The following CLIC4 variants were observed in gnomAD, a reference collection of about 807,000 sequenced individuals.
CLIC4 encodes the protein CLIC family member 4, also known as chloride intracellular channel protein 4.
A neutral mutation model predicts 24.6 loss-of-function variants in CLIC4; 13 were observed. The ratio of observed to expected loss-of-function variants is 0.53; its 90% CI spans 0.34 to 0.84. The LOEUF is 0.84. CLIC4 is among the 40% of genes least tolerant of loss of function. The pLI is 0.01. For synonymous variants in CLIC4, 104 were observed against 111.3 expected (o/e 0.93, Z 0.41); for missense variants, 227 against 301.7 (o/e 0.75, Z 1.83).
chr1:24,802,156 C>T (rs1169348946), intron 2 of CLIC4, among the ~76,000 whole-genome samples: 1 of 152,164 alleles, frequency 6.6e-6, no homozygotes, highest in Non-Finnish European at 1.5e-5. Context: ...TAGTTTAATA[C>T]AGTGCTTTAA....
At chr1:24,823,147 A>G (rs182396928) in intron 3 of CLIC4, among the ~76,000 whole-genome samples, 2 of 152,374 alleles carry the variant, frequency 1.3e-5, no homozygotes, top group East Asian at 3.9e-4. Context: ...TGATTTAATC[A>G]TGACAAATAT....
chr1:24,771,527 T>C (rs1639071125), intron 1 of CLIC4, among the ~76,000 whole-genome samples: 1 of 152,210 alleles, frequency 6.6e-6, no homozygotes, highest in Non-Finnish European at 1.5e-5. Flanking sequence ...TCATCTTTTA[T>C]ATCTACCCCC....
Position 24,830,248 on chromosome 1 carries a change from T to C in CLIC4, c.415+3132T>C, listed in dbSNP as rs554287190. Among the ~76,000 whole-genome samples the C allele has an allele frequency of 4.6e-5, 7 of 152,324 alleles. No individual in the cohort carries two copies. The South Asian group carries it at 1.4e-3, about 32-fold the overall frequency. On this transcript the variant is annotated intron_variant, in intron 4 of 5. Transcript: ENST00000374379. ...CATGACCTCTTCAACAATTTAGTGT[T>C]CTTTTTTCTATGTAATTTTGCAAAC...
intron 1 of CLIC4, among the ~76,000 whole-genome samples, chr1:24,761,620 A>T (rs147860371): frequency 6.6e-6 from 1 of 152,128 alleles, no homozygotes; most frequent in Non-Finnish European, 1.5e-5. Flanking sequence ...CAGTTCTCAG[A>T]TGGGTTTAAG....
At chr1:24,828,879 A>G (rs537628156) in intron 4 of CLIC4, among the ~76,000 whole-genome samples, 2 of 152,330 alleles carry the variant, frequency 1.3e-5, no homozygotes, top group African/African-American at 4.8e-5. Flanking sequence ...AGAAGGCTTT[A>G]TATTAAATTA....
At chr1:24,790,694 T>A (rs1639323991) in intron 1 of CLIC4, among the ~76,000 whole-genome samples, 2 of 152,174 alleles carry the variant, frequency 1.3e-5, no homozygotes, top group African/African-American at 4.8e-5. Context: ...AGGCCTCCTC[T>A]GACCCCATCC....
intron 2 of CLIC4, among the ~76,000 whole-genome samples, chr1:24,810,777 T>G (rs2124148490): frequency 6.6e-6 from 1 of 151,372 alleles, no homozygotes; most frequent in South Asian, 2.1e-4. Flanking sequence ...AAAAAAATCC[T>G]GAGAAATTTT....
rs200270575 is a variant in CLIC4 at position 24,797,838 on chromosome 1, G to A, written c.169G>A (p.Val57Ile). Residue 57 changes from valine to isoleucine, a missense_variant, in exon 2 of 6, where the codon GTT becomes ATT. Val to Ile is a conservative substitution (Grantham distance 29). Coordinates refer to ENST00000374379, the MANE Select transcript of CLIC4 (RefSeq NM_013943.3). ...LKGVVFSVTT[V>I]DLKRKPADLQ... ...AGGAGTTGTATTTAGTGTGACGACT[G>A]TTGACCTGAAAAGGTAAGACATGGT... The A allele has an allele frequency of 1.8e-4, 283 of 1,610,938 alleles. 1 individual carries two copies. Among genetic ancestry groups the A allele is most frequent in the Non-Finnish European group, 3.0e-5 (35 of 1,178,402 alleles).
chr1:24,825,002 A>T (rs1038891335), intron 3 of CLIC4, among the ~76,000 whole-genome samples: 51 of 140,714 alleles, frequency 3.6e-4, no homozygotes, highest in South Asian at 1.6e-3. Context: ...CCTGTCACAC[A>T]CACACACACA....
chr1:24,768,662 C>T (rs1347192242), intron 1 of CLIC4, among the ~76,000 whole-genome samples: 1 of 152,076 alleles, frequency 6.6e-6, no homozygotes, highest in African/African-American at 2.4e-5. Context: ...CCTGTAATCC[C>T]TGTACTTTGG....
intron 4 of CLIC4, among the ~76,000 whole-genome samples, chr1:24,827,351 T>C (rs1438784281): frequency 6.6e-6 from 1 of 152,242 alleles, no homozygotes; most frequent in Non-Finnish European, 1.5e-5. Context: ...TGTGATAAAA[T>C]GCTTCTTGAA....
intron 1 of CLIC4, among the ~76,000 whole-genome samples, chr1:24,765,011 G>A (rs187975478): frequency 7.9e-5 from 12 of 152,240 alleles, no homozygotes; most frequent in South Asian, 2.1e-4. Context: ...TAAGGAAGGC[G>A]TACTATACAC....
chr1:24,764,925 A>G (rs1056100860), intron 1 of CLIC4, among the ~76,000 whole-genome samples: 1 of 152,194 alleles, frequency 6.6e-6, no homozygotes, highest in Non-Finnish European at 1.5e-5. Context: ...TGTCTTTACT[A>G]AGTGCCTACT....
intron 1 of CLIC4, among the ~76,000 whole-genome samples, chr1:24,789,847 T>C (rs536949858): frequency 1.2e-4 from 19 of 152,260 alleles, no homozygotes; most frequent in African/African-American, 4.1e-4. Context: ...CCATTTGATA[T>C]GATTCTTGGT....
At chr1:24,774,418 C>A (rs1336460602) in intron 1 of CLIC4, among the ~76,000 whole-genome samples, 1 of 152,182 alleles carries the variant, frequency 6.6e-6, no homozygotes, top group African/African-American at 2.4e-5. Context: ...GACTTCTCTT[C>A]CATTCTTTAA....
chr1:24,803,418 C>T (rs1458646043), intron 2 of CLIC4, among the ~76,000 whole-genome samples: 1 of 151,894 alleles, frequency 6.6e-6, no homozygotes, highest in Non-Finnish European at 1.5e-5. Context: ...AAGAACAAGC[C>T]CATTTCTAGT....
intron 1 of CLIC4, among the ~76,000 whole-genome samples, chr1:24,775,338 C>CT (rs1166389076): frequency 7.5e-6 from 1 of 133,896 alleles, no homozygotes; most frequent in Non-Finnish European, 1.6e-5. Flanking sequence ...GTAAATTTGT[C>CT]TTTTTTTGGG....
chr1:24,784,162 A>G (rs1639237278), intron 1 of CLIC4, among the ~76,000 whole-genome samples: 2 of 152,130 alleles, frequency 1.3e-5, no homozygotes, highest in South Asian at 4.1e-4. Flanking sequence ...AAAATGAAAG[A>G]TTCATGTCCA....
intron 1 of CLIC4, among the ~76,000 whole-genome samples, chr1:24,787,769 T>C (rs1445574614): frequency 1.3e-5 from 2 of 151,082 alleles, no homozygotes; most frequent in African/African-American, 4.9e-5. Context: ...ATGGTCTTGA[T>C]CTCCTGACCT....
Sources: allele counts gnomAD v4.1 joint callset (sites outside exome capture counted in the v4.1 genomes callset), GRCh38; gene constraint gnomAD v4.1.1; transcripts MANE v1.5; gene names NCBI Gene and HGNC (gene_info 2026-07-23, HGNC 2026-07-21).